The following ALK variants were observed in gnomAD, a reference collection of about 807,000 sequenced individuals.
ALK encodes the protein ALK tyrosine kinase receptor.
Under a neutral mutation model 163.1 loss-of-function variants are expected in ALK, and 74 were observed. The observed-to-expected ratio is 0.45, with a 90% CI of 0.38 to 0.55. The LOEUF is 0.55. ALK is among the 20% of genes least tolerant of loss of function. The probability of loss-of-function intolerance (pLI) is 0.00; values close to 1 mark genes in which losing one functional copy is unlikely to be tolerated. For missense variants in ALK, 2,063 were observed against 2,105.3 expected (o/e 0.98, Z 0.39); for synonymous variants, 960 against 843.2 (o/e 1.14, Z -2.40).
At chr2:29,473,765 AGAATCGCTT>A (rs1671428673) in intron 4 of ALK, among the ~76,000 whole-genome samples, 4 of 152,206 alleles carry the variant, frequency 2.6e-5, no homozygotes, top group Non-Finnish European at 5.9e-5. Flanking sequence ...CTGAGGCAGG[AGAATCGCTT>A]GAATCTGGGA....
intron 4 of ALK, among the ~76,000 whole-genome samples, chr2:29,450,021 G>T (rs139726323): frequency 8.1e-4 from 124 of 152,262 alleles, no homozygotes; most frequent in African/African-American, 2.9e-3. Flanking sequence ...GTCAAAGTTG[G>T]AAGTGGATAA....
intron 1 of ALK, among the ~76,000 whole-genome samples, chr2:29,756,260 C>T (rs898930264): frequency 3.3e-5 from 5 of 152,162 alleles, no homozygotes; most frequent in Non-Finnish European, 5.9e-5. Flanking sequence ...GAGGACCTTC[C>T]GGACCTTTTA....
intron 3 of ALK, among the ~76,000 whole-genome samples, chr2:29,586,225 T>TG (rs967059995): frequency 6.8e-6 from 1 of 147,076 alleles, no homozygotes; most frequent in Non-Finnish European, 1.5e-5. Context: ...CCCATTTTTT[T>TG]GGGGGGGATA....
chr2:29,755,680 G>T (rs1680501136), intron 1 of ALK, among the ~76,000 whole-genome samples: 1 of 152,042 alleles, frequency 6.6e-6, no homozygotes. Context: ...TTTTTACGAG[G>T]CACATATTAG....
intron 3 of ALK, among the ~76,000 whole-genome samples, chr2:29,652,707 C>T (rs575164800): frequency 8.1e-4 from 124 of 152,166 alleles, no homozygotes; most frequent in African/African-American, 2.7e-3. Flanking sequence ...TAATCAATCA[C>T]GCTTAGGTAA....
In ALK at chr2:29,619,961, C is replaced by A. The variant is rs1041601565; in HGVS notation, c.952+74889G>T. Among the ~76,000 whole-genome samples, 3 of 152,262 alleles carry A rather than the reference C, an allele frequency of 2.0e-5. No homozygotes were observed. In the South Asian group the frequency reaches 6.2e-4, roughly 32 times the overall value. On this transcript the variant is annotated intron_variant, in intron 3 of 28. Transcript: ENST00000389048. ...TAGGGCTGCCCAACTCTAGCAGCCC[C>A]GAGGGATGCCTAGGGAGAGTGAAGA...
chr2:29,761,477 A>C (rs1052365968), intron 1 of ALK, among the ~76,000 whole-genome samples: 36 of 152,330 alleles, frequency 2.4e-4, no homozygotes, highest in African/African-American at 8.4e-4. Flanking sequence ...TGAGGGCAGC[A>C]TGACCTCGGG....
At chr2:29,453,991 G>A (rs979706310) in intron 4 of ALK, among the ~76,000 whole-genome samples, 8 of 152,102 alleles carry the variant, frequency 5.3e-5, no homozygotes, top group South Asian at 2.1e-4. Flanking sequence ...ATTAACACAC[G>A]CAGTGCTCCC....
At chr2:29,768,086 T>C (rs1680913221) in intron 1 of ALK, among the ~76,000 whole-genome samples, 1 of 152,292 alleles carries the variant, frequency 6.6e-6, no homozygotes, top group Non-Finnish European at 1.5e-5. Context: ...GGCTGGAGTA[T>C]CCCAAGAGGC....
chr2:29,775,436 A>T lies in ALK; in HGVS notation c.668-57739T>A, dbSNP rs144736307. Among the ~76,000 whole-genome samples the T allele has an allele frequency of 5.0e-3, 767 of 152,234 alleles. 11 individuals are homozygous for T. The highest frequency in any genetic ancestry group is 0.017 in the African/African-American group (715 of 41,522). ...AAGGAAATCCCTCCTAAATAACTGC[A>T]TACCACATGAATGAAGCCTTAGATG... is the stretch of plus-strand genomic sequence containing the variant. On this transcript the variant is annotated intron_variant, in intron 1 of 28. Transcript: ENST00000389048.
At chr2:29,619,660 C>T (rs1424204212) in intron 3 of ALK, among the ~76,000 whole-genome samples, 1 of 152,180 alleles carries the variant, frequency 6.6e-6, no homozygotes, top group African/African-American at 2.4e-5. Flanking sequence ...CCCGATGGAT[C>T]GTATGCTGTG....
chr2:29,338,777 C>G (rs1304806359), intron 5 of ALK, among the ~76,000 whole-genome samples: 1 of 152,220 alleles, frequency 6.6e-6, no homozygotes, highest in African/African-American at 2.4e-5. Context: ...TAATACAAAC[C>G]AGATCACCGA....
intron 1 of ALK, among the ~76,000 whole-genome samples, chr2:29,792,201 C>G (rs1346793637): frequency 6.6e-6 from 1 of 152,154 alleles, no homozygotes; most frequent in Non-Finnish European, 1.5e-5. Flanking sequence ...TTTTATAAAG[C>G]TTTCATTCTT....
chr2:29,398,690 C>T (rs1441147492), intron 4 of ALK, among the ~76,000 whole-genome samples: 1 of 151,960 alleles, frequency 6.6e-6, no homozygotes, highest in African/African-American at 2.4e-5. Flanking sequence ...GAGCAGGACC[C>T]CCCTCCTCCT....
intron 1 of ALK, among the ~76,000 whole-genome samples, chr2:29,725,702 G>T (rs1219260473): frequency 1.3e-5 from 2 of 151,686 alleles, no homozygotes; most frequent in Admixed American, 6.6e-5. Context: ...GGCTGTTTTT[G>T]GTTTGGTGTC....
chr2:29,428,586 A>C (rs751218209), intron 4 of ALK, among the ~76,000 whole-genome samples: 3 of 152,152 alleles, frequency 2.0e-5, no homozygotes, highest in Admixed American at 6.5e-5. Context: ...AGAAAATCTG[A>C]ATCAATACAT....
Position 29,207,031 on chromosome 2 carries a change from C to T in ALK, c.3938+140G>A, listed in dbSNP as rs760463470. ...TCTGATAGATGCTCACGTTTGAGAA[C>T]CACTGTTGTCGGGTGTATTGATTCT... On this transcript the variant is annotated intron_variant, in intron 26 of 28. Transcript: ENST00000389048. 1.5e-4 allele frequency: 108 copies of T among 719,352 alleles called. 2 individuals carry two copies. The highest frequency in any genetic ancestry group is 1.3e-3 in the South Asian group (88 of 66,584). The allele number at this position is 719,352 out of a possible 1,614,324, so 44.6% of individuals were successfully genotyped here. A position where few individuals can be genotyped will look rare whatever the true frequency, so the allele number is the denominator to read the frequency against.
At chr2:29,432,763 G>A (rs1670302577) in intron 4 of ALK, among the ~76,000 whole-genome samples, 1 of 147,844 alleles carries the variant, frequency 6.8e-6, no homozygotes, top group South Asian at 2.1e-4. Flanking sequence ...TTAAACCGAT[G>A]GATCCATTGC....
chr2:29,194,212 G>C (rs191542345), intron 28 of ALK, among the ~76,000 whole-genome samples: 1 of 150,752 alleles, frequency 6.6e-6, no homozygotes, highest in Non-Finnish European at 1.5e-5. Context: ...AGTTTTTAAA[G>C]ATTAGTGGAT....
Sources: gnomAD v4.1 joint callset for allele counts (sites outside exome capture counted in the v4.1 genomes callset) on GRCh38, gnomAD v4.1.1 for gene constraint, MANE v1.5 for transcripts, NCBI Gene and HGNC (gene_info 2026-07-23, HGNC 2026-07-21) for gene names.